PRICKLE2: variants seen among roughly 807,000 people sequenced by gnomAD.
The protein encoded by PRICKLE2 is prickle-like protein 2.
Under a neutral mutation model 81.4 loss-of-function variants are expected in PRICKLE2, and 21 were observed. That is an observed-to-expected ratio of 0.26 (90% confidence interval 0.18 to 0.37). The LOEUF (loss-of-function observed/expected upper bound fraction) is 0.37. PRICKLE2 is among the 10% of genes least tolerant of loss of function. The pLI is 1.00. For missense variants in PRICKLE2, 940 were observed against 1,109.0 expected, an observed-to-expected ratio of 0.85 and a Z score of 2.16; for synonymous variants, 456 against 421.5, an observed-to-expected ratio of 1.08 and a Z score of -1.00.
Position 64,147,505 on chromosome 3 carries a change from C to A in PRICKLE2, c.985G>T (p.Ala329Ser). The A allele has an allele frequency of 6.2e-7, 1 of 1,614,238 alleles. No individual in the cohort carries two copies. The highest frequency in any genetic ancestry group is 8.5e-7 in the Non-Finnish European group (1 of 1,180,054). ...CTGCGCCGGGACTCCTTGGCCCTGG[C>A]GTTCTGGAAGGCGGAATCAGAGGAG... ...SDSSDSAFQN[A>S]RAKESRRSAK... Residue 329 changes from alanine to serine, a missense_variant, in exon 7 of 8, where the codon GCC becomes TCC. Around this residue, in one of 2 missense-constraint regions of PRICKLE2, gnomAD observed 670 missense variants for 717.2 expected, o/e 0.93. Coordinates refer to ENST00000638394, the MANE Select transcript of PRICKLE2 (RefSeq NM_198859.4). This position sits in a 1 kb window ranked among gnomAD's most constrained non-coding sequence, Gnocchi z 5.0.
intron 4 of PRICKLE2, among the ~76,000 whole-genome samples, chr3:64,159,384 C>G (rs1251085693): frequency 6.6e-6 from 1 of 152,200 alleles, no homozygotes; most frequent in Non-Finnish European, 1.5e-5. Context: ...CTAAAGGTCT[C>G]TTTTTAAAAC....
chr3:64,165,057 T>A (rs931149112), intron 2 of PRICKLE2, among the ~76,000 whole-genome samples: 4 of 152,174 alleles, frequency 2.6e-5, no homozygotes, highest in Admixed American at 1.3e-4. Flanking sequence ...CAACTTCCAT[T>A]GTCGTTATGG....
chr3:64,193,326 G>A (rs2078382532), intron 2 of PRICKLE2, among the ~76,000 whole-genome samples: 1 of 152,090 alleles, frequency 6.6e-6, no homozygotes, highest in Non-Finnish European at 1.5e-5. Flanking sequence ...GCATCTCAAG[G>A]ACCCATGCAT....
At chr3:64,107,291 T>C (rs1004726612) in intron 7 of PRICKLE2, among the ~76,000 whole-genome samples, 1 of 151,632 alleles carries the variant, frequency 6.6e-6, no homozygotes, top group African/African-American at 2.4e-5. Flanking sequence ...AAATAGGAGG[T>C]CTCACAGAAA....
rs750555403 is a variant in PRICKLE2 at position 64,099,265 on chromosome 3, C to A, written c.2321G>T (p.Trp774Leu). The A allele has an allele frequency of 1.9e-6, 3 of 1,614,032 alleles. No homozygotes were observed. The highest frequency in any genetic ancestry group is 2.2e-5 in the South Asian group (2 of 91,086). Reference protein sequence around the residue: ...RWGPYFAEYDWCSTCSSSSES... With the variant: ...RWGPYFAEYDLCSTCSSSSES... ...TGAAGAGGAGGAGCAGGTGGAACAC[C>A]AATCATACTCGGCGAAGTAGGGTCC... The change falls in exon 8 of 8, where the codon TGG (tryptophan) becomes TTG (leucine). Residue 774 changes from tryptophan (W) to leucine (L), a missense_variant. This residue lies in a region of PRICKLE2 where 670 missense variants were observed against 717.2 expected (regional missense o/e 0.93). Transcript: ENST00000638394. The surrounding 1 kb of genome is among the most constrained non-coding windows in gnomAD (Gnocchi z 4.3).
intron 2 of PRICKLE2, among the ~76,000 whole-genome samples, chr3:64,192,660 A>ACCCAG: frequency 6.6e-6 from 1 of 152,284 alleles, no homozygotes; most frequent in East Asian, 1.9e-4. Flanking sequence ...TGGATGTTCT[A>ACCCAG]TTTTACCACT....
At position 64,225,410 on chromosome 3, in the gene PRICKLE2, A is replaced by C. The variant is rs1440626654; in HGVS notation, c.-541T>G. ...CAGGAAATGTGCTGCTTGGTCAAAA[A>C]ATAATAATAACTCTCGGTGGCGCTG... On this transcript the variant is annotated 5_prime_UTR_variant, in exon 1 of 8. It adds an upstream start codon to the 5' untranslated region. Transcript: ENST00000638394. 2.0e-6 allele frequency: 2 copies of C among 985,282 alleles called. No homozygotes were observed. The highest frequency in any genetic ancestry group is 1.2e-4 in the Admixed American group (2 of 16,250). 61.0% of individuals were successfully genotyped at this position (985,282 alleles called of 1,614,324 possible).
In PRICKLE2 at chr3:64,094,379, A is replaced by G. The variant is rs2106928760; in HGVS notation, c.*4672T>C. On this transcript the variant is annotated 3_prime_UTR_variant, in exon 8 of 8. Transcript: ENST00000638394. Reference sequence around the variant, plus strand: ...TTGGTCAGTGACCTGTTGAATATCAATGGCCAAATGCCAAGCAGAGTGAAG... The same window carrying G: ...TTGGTCAGTGACCTGTTGAATATCAGTGGCCAAATGCCAAGCAGAGTGAAG... 6.6e-6 allele frequency: 1 copy of G among 152,340 alleles called. No homozygotes were observed. Among genetic ancestry groups the G allele is most frequent in the Non-Finnish European group, 1.5e-5 (1 of 68,034 alleles). The allele number at this position is 152,340 out of a possible 1,614,324, so 9.4% of individuals were successfully genotyped here.
intron 2 of PRICKLE2, among the ~76,000 whole-genome samples, chr3:64,243,095 G>A (rs2079292292): frequency 6.6e-6 from 1 of 152,172 alleles, no homozygotes; most frequent in African/African-American, 2.4e-5. Context: ...ACCATGTACT[G>A]AGAGTGGGAA....
intron 2 of PRICKLE2, among the ~76,000 whole-genome samples, chr3:64,260,156 TAG>T (rs2079596213): frequency 6.6e-6 from 1 of 152,118 alleles, no homozygotes; most frequent in Non-Finnish European, 1.5e-5. Flanking sequence ...TATGGTACCA[TAG>T]ACTTTCCCAA....
At chr3:64,211,065 C>G (rs1160173754) in intron 1 of PRICKLE2, among the ~76,000 whole-genome samples, 1 of 152,154 alleles carries the variant, frequency 6.6e-6, no homozygotes, top group Non-Finnish European at 1.5e-5. Context: ...ATACATTCCC[C>G]TTGAGAGTCA....
chr3:64,267,366 T>G lies in PRICKLE2; in HGVS notation c.129-68399A>C, dbSNP rs75073704. ...TCCACCAAGAAGCAAAGAAATGGAT[T>G]TTTAAAGTTCTGGGAAAATAAACAA... On this transcript the variant is annotated intron_variant, in intron 2 of 8. Transcript: ENST00000295902. 1.8e-4 allele frequency among the ~76,000 whole-genome samples: 27 copies of G among 151,032 alleles called. No homozygotes were observed. In the East Asian group the frequency reaches 4.8e-3, roughly 27 times the overall value.
At chr3:64,133,599 G>C (rs866315611) in intron 7 of PRICKLE2, among the ~76,000 whole-genome samples, 1 of 152,126 alleles carries the variant, frequency 6.6e-6, no homozygotes, top group Non-Finnish European at 1.5e-5. Flanking sequence ...TGGGGGGCCA[G>C]GGGGATCAGT....
intron 7 of PRICKLE2, among the ~76,000 whole-genome samples, chr3:64,134,961 C>T (rs909335007): frequency 6.6e-6 from 1 of 152,214 alleles, no homozygotes; most frequent in Non-Finnish European, 1.5e-5. Context: ...GGGAAGTCTG[C>T]TGCTGCCAGG....
At chr3:64,120,924 G>A (rs2077014382) in intron 7 of PRICKLE2, among the ~76,000 whole-genome samples, 1 of 152,102 alleles carries the variant, frequency 6.6e-6, no homozygotes, top group Non-Finnish European at 1.5e-5. Context: ...TCCTGTCTCT[G>A]CCAACAAACA....
chr3:64,224,446 G>A (rs572134444), intron 1 of PRICKLE2, among the ~76,000 whole-genome samples: 2 of 152,266 alleles, frequency 1.3e-5, no homozygotes, highest in Non-Finnish European at 2.9e-5. Context: ...TGAAAGCAGT[G>A]TCTAAAATTA....
intron 2 of PRICKLE2, among the ~76,000 whole-genome samples, chr3:64,244,326 T>G (rs1429806256): frequency 6.6e-6 from 1 of 152,180 alleles, no homozygotes; most frequent in African/African-American, 2.4e-5. Flanking sequence ...CTCCAATTTG[T>G]ATACTTATTT....
chr3:64,242,378 C>A (rs1219942201), intron 2 of PRICKLE2, among the ~76,000 whole-genome samples: 1 of 152,150 alleles, frequency 6.6e-6, no homozygotes, highest in African/African-American at 2.4e-5. Flanking sequence ...AATTCCTTCA[C>A]CTAATCACTT....
intron 7 of PRICKLE2, among the ~76,000 whole-genome samples, chr3:64,128,215 A>G (rs1431355598): frequency 1.3e-5 from 2 of 152,092 alleles, no homozygotes; most frequent in Admixed American, 1.3e-4. Flanking sequence ...GGTGACAGGC[A>G]CCCATCGCTT....
Sources: allele counts gnomAD v4.1 joint callset (sites outside exome capture counted in the v4.1 genomes callset), GRCh38; gene constraint gnomAD v4.1.1; regional missense constraint gnomAD v4.1.1; non-coding constraint Gnocchi (gnomAD v3.1); transcripts MANE v1.5; gene names NCBI Gene and HGNC (gene_info 2026-07-23, HGNC 2026-07-21).